Variants in TBL1Y observed in about 807,000 individuals in gnomAD.
TBL1Y encodes F-box-like/WD repeat-containing protein TBL1Y.
Under a neutral mutation model 12.0 loss-of-function variants are expected in TBL1Y, and 15 were observed. The ratio of observed to expected loss-of-function variants is 1.25; its 90% CI spans 0.83 to 1.92. The LOEUF is 1.92. Ranked by LOEUF, TBL1Y falls within the 40% of genes most tolerant of loss-of-function variation. The pLI is 0.00. For missense variants in TBL1Y, 148 were observed against 116.7 expected, an observed-to-expected ratio of 1.27 and a Z score of -1.24; for synonymous variants, 53 against 42.6, an observed-to-expected ratio of 1.24 and a Z score of -0.95.
chrY:7,064,369 G>T, intron 8 of TBL1Y, among the ~76,000 whole-genome samples: 1 of 33,248 alleles, frequency 3.0e-5, no homozygotes, highest in Non-Finnish European at 7.4e-5. Context: ...TTCAATTTCA[G>T]GAAATTGTGT....
chrY:6,937,562 C>T, intron 2 of TBL1Y, among the ~76,000 whole-genome samples: 1 of 32,586 alleles, frequency 3.1e-5, no homozygotes, highest in African/African-American at 1.2e-4. Context: ...GAGTGAGACT[C>T]CATTTCATAA....
At chrY:7,035,515 C>T (rs2012686881) in intron 6 of TBL1Y, among the ~76,000 whole-genome samples, 1 of 34,042 alleles carries the variant, frequency 2.9e-5, no homozygotes, top group African/African-American at 1.2e-4. Context: ...ATGTTTATTG[C>T]GGCACTGTTT....
chrY:6,973,036 G>A, intron 2 of TBL1Y, among the ~76,000 whole-genome samples: 4 of 32,662 alleles, frequency 1.2e-4, no homozygotes, highest in Non-Finnish European at 3.0e-4. Flanking sequence ...TTCTGGATGT[G>A]CATGTGAGTG....
At position 6,995,850 on chromosome Y, in the gene TBL1Y, T is replaced by C; in HGVS notation, c.-188T>C. On this transcript the variant is annotated 5_prime_UTR_variant, in exon 4 of 19. An upstream start codon of the reference 5' UTR is lost. Coordinates refer to ENST00000383032, the MANE Select transcript of TBL1Y (RefSeq NM_033284.2). ...AACAGAAGGGCAGTTTTTGAAGAAA[T>C]GAAGCAGGACTTGATGTGGATTGTC... The C allele has an allele frequency of 3.9e-5, 1 of 25,893 alleles. No homozygotes were observed. Among genetic ancestry groups the C allele is most frequent in the East Asian group, 1.0e-3 (1 of 987 alleles). The allele number at this position is 25,893 out of a possible 400,897, so 6.5% of individuals were successfully genotyped here.
chrY:6,937,848 G>A, intron 2 of TBL1Y, among the ~76,000 whole-genome samples: 1 of 33,084 alleles, frequency 3.0e-5, no homozygotes, highest in African/African-American at 1.2e-4. Flanking sequence ...ATTTTGGTCA[G>A]TTAAAACTGG....
rs772095927 is a variant in TBL1Y at position 7,010,007 on chromosome Y, G to T, written c.-139-11442G>T. 1.7e-3 allele frequency among the ~76,000 whole-genome samples: 45 copies of T among 26,911 alleles called. No homozygotes were observed. In the East Asian group the frequency reaches 0.036, roughly 22 times the overall value. The allele number at this position is 26,911 out of a possible 37,273, so 72.2% of individuals were successfully genotyped here. On this transcript the variant is annotated intron_variant, in intron 4 of 18. Coordinates refer to ENST00000383032, the MANE Select transcript of TBL1Y (RefSeq NM_033284.2). ...GTTTGTGCCATTGCACTCCAGCCTG[G>T]GCAACAAGAGCAAAACTCCAGTCTC...
At chrY:7,063,464 G>C (rs774133527) in intron 7 of TBL1Y, among the ~76,000 whole-genome samples, 6 of 32,702 alleles carry the variant, frequency 1.8e-4, no homozygotes, top group African/African-American at 7.2e-4. Flanking sequence ...TGATTGGTTT[G>C]GCACGAAAAA....
chrY:7,064,221 C>G, intron 8 of TBL1Y, 72 bp downstream of exon 8: 1 of 337,515 alleles, frequency 3.0e-6, no homozygotes, highest in East Asian at 9.6e-5. Flanking sequence ...CTGGGTCAGT[C>G]TGAATGCCTT....
At chrY:6,994,406 G>GAGCTCATT (rs2012396111) in intron 3 of TBL1Y, among the ~76,000 whole-genome samples, 6 of 33,476 alleles carry the variant, frequency 1.8e-4, no homozygotes, top group South Asian at 7.0e-4. Context: ...AATGGAGAAA[G>GAGCTCATT]AGCTCATTAT....
intron 2 of TBL1Y, among the ~76,000 whole-genome samples, chrY:6,947,796 A>G: frequency 8.7e-5 from 3 of 34,298 alleles, no homozygotes. Context: ...GAAAGTATTT[A>G]ATAACACTCA....
At position 7,090,394 on chromosome Y, in the gene TBL1Y, C is replaced by G. The variant is rs772045966; in HGVS notation, c.1548+204C>G. Among the ~76,000 whole-genome samples the G allele has an allele frequency of 6.4e-4, 22 of 34,159 alleles. No individual in the cohort carries two copies. The East Asian group carries it at 0.016, about 26-fold the overall frequency. The allele number at this position is 34,159 out of a possible 37,273, so 91.6% of individuals were successfully genotyped here. A position where few individuals can be genotyped will look rare whatever the true frequency, so the allele number is the denominator to read the frequency against. Reference sequence around the variant, plus strand: ...TCTGGGAATGGCCTTCTCCTTGTCCCTTCCAGAATGTCCTTCTAATTAACA... The same window carrying G: ...TCTGGGAATGGCCTTCTCCTTGTCCGTTCCAGAATGTCCTTCTAATTAACA... On this transcript the variant is annotated intron_variant, in intron 18 of 18. Transcript: ENST00000383032.
intron 2 of TBL1Y, among the ~76,000 whole-genome samples, chrY:6,962,965 C>G (rs2012141599): frequency 3.0e-5 from 1 of 33,264 alleles, no homozygotes; most frequent in East Asian, 8.0e-4. Context: ...AATGGCCACT[C>G]CACAATATCT....
At chrY:6,977,179 T>A in intron 2 of TBL1Y, among the ~76,000 whole-genome samples, 2 of 32,362 alleles carry the variant, frequency 6.2e-5, no homozygotes, top group Admixed American at 2.8e-4. Flanking sequence ...AGATGAGGGG[T>A]GGGTCTAGAC....
intron 2 of TBL1Y, among the ~76,000 whole-genome samples, chrY:6,966,936 G>A: frequency 3.0e-5 from 1 of 33,339 alleles, no homozygotes; most frequent in Non-Finnish European, 7.4e-5. Flanking sequence ...GTATAGCTGT[G>A]GATCCTATCC....
intron 7 of TBL1Y, among the ~76,000 whole-genome samples, chrY:7,058,140 T>C (rs2012834839): frequency 3.0e-5 from 1 of 33,348 alleles, no homozygotes; most frequent in Non-Finnish European, 7.4e-5. Context: ...GGATAGCCAA[T>C]TGGACTAAAG....
At chrY:6,912,854 AAC>A (rs2011707137) in intron 2 of TBL1Y, among the ~76,000 whole-genome samples, 1 of 31,170 alleles carries the variant, frequency 3.2e-5, no homozygotes, top group East Asian at 8.3e-4. Context: ...AAAAAAAAAA[AAC>A]ACTGTGTGCA....
In TBL1Y at chrY:7,086,287, T is replaced by C. The variant is rs1475656921; in HGVS notation, c.1153-3T>C. ...CTCATGTTGTGGCCGGTGTGTCCTT[T>C]AGATCTGGAGTATGAAGCAGGATGC... On this transcript the variant is annotated splice_region_variant and splice_polypyrimidine_tract_variant and intron_variant, in intron 15 of 18. Transcript: ENST00000383032. 17 of 377,457 alleles carry C rather than the reference T, an allele frequency of 4.5e-5. No homozygotes were observed. Among genetic ancestry groups the C allele is most frequent in the Non-Finnish European group, 5.9e-5 (16 of 271,327 alleles). 94.2% of individuals were successfully genotyped at this position (377,457 alleles called of 400,897 possible).
At chrY:7,030,586 T>C in intron 6 of TBL1Y, among the ~76,000 whole-genome samples, 1 of 33,535 alleles carries the variant, frequency 3.0e-5, no homozygotes, top group Non-Finnish European at 7.4e-5. Flanking sequence ...GGCTGGACCA[T>C]ATGGCAGCCA....
intron 2 of TBL1Y, among the ~76,000 whole-genome samples, chrY:6,967,706 T>G: frequency 2.9e-5 from 1 of 34,030 alleles, no homozygotes; most frequent in Non-Finnish European, 7.4e-5. Context: ...TTTTTTTTTC[T>G]TTTGAGACAG....
Sources: allele counts gnomAD v4.1 joint callset (sites outside exome capture counted in the v4.1 genomes callset), GRCh38; gene constraint gnomAD v4.1.1; transcripts MANE v1.5; gene names NCBI Gene and HGNC (gene_info 2026-07-23, HGNC 2026-07-21).